TIMP2: variants seen among roughly 807,000 people sequenced by gnomAD.
TIMP2 encodes TIMP metallopeptidase inhibitor 2.
A neutral mutation model predicts 24.3 loss-of-function variants in TIMP2; 5 were observed. The observed-to-expected ratio is 0.21, with a 90% CI of 0.11 to 0.43. The LOEUF (loss-of-function observed/expected upper bound fraction) is 0.43, where lower values mean the gene tolerates loss of function less well. Among genes scored for constraint, TIMP2 ranks in the 20% least tolerant of loss-of-function variants. The probability of loss-of-function intolerance (pLI) is 1.00; values close to 1 mark genes in which losing one functional copy is unlikely to be tolerated. For synonymous variants in TIMP2, 130 were observed against 123.2 expected (o/e 1.06, Z -0.37); for missense variants, 221 against 297.5 (o/e 0.74, Z 1.89).
chr17:78,878,177 G>A (rs114000861), intron 1 of TIMP2, among the ~76,000 whole-genome samples: 31 of 152,206 alleles, frequency 2.0e-4, no homozygotes, highest in Non-Finnish European at 3.8e-4. Context: ...TTACAAAAAC[G>A]CCTAAGGCTC....
intron 1 of TIMP2, among the ~76,000 whole-genome samples, chr17:78,894,948 T>C (rs983274259): frequency 1.3e-5 from 2 of 152,156 alleles, no homozygotes; most frequent in African/African-American, 2.4e-5. Context: ...TGAACACCTC[T>C]TACTACCCAG....
intron 3 of TIMP2, among the ~76,000 whole-genome samples, chr17:78,858,139 G>A (rs1450747090): frequency 6.6e-6 from 1 of 151,122 alleles, no homozygotes; most frequent in African/African-American, 2.4e-5. Flanking sequence ...CTTAAACATT[G>A]GAAACAAAGA....
rs967210687 is a variant in TIMP2, at chr17:78,925,337, G to A, written c.-249C>T. ...CGGCGGGGTGGGGGGCGGCGGGCGA[G>A]CGGCGCTGCGGTTCTCGGCGGCCGC... is the stretch of plus-strand genomic sequence containing the variant. On this transcript the variant is annotated 5_prime_UTR_variant, in exon 1 of 5. Transcript: ENST00000262768. 3.3e-5 allele frequency: 5 copies of A among 151,282 alleles called. No homozygotes were observed. The highest frequency in any genetic ancestry group is 4.8e-5 in the African/African-American group (2 of 41,282). The allele number at this position is 151,282 out of a possible 1,614,324, so 9.4% of individuals were successfully genotyped here. A position where few individuals can be genotyped will look rare whatever the true frequency, so the allele number is the denominator to read the frequency against.
chr17:78,863,034 C>T (rs985228183), intron 3 of TIMP2, among the ~76,000 whole-genome samples: 3 of 152,172 alleles, frequency 2.0e-5, no homozygotes, highest in African/African-American at 7.2e-5. Flanking sequence ...GGGCGCAGTG[C>T]CGTTGAACGA....
At chr17:78,871,132 C>T in intron 2 of TIMP2, 126 bp from the exon 3 acceptor site, 2 of 677,710 alleles carry the variant, frequency 3.0e-6, no homozygotes, top group East Asian at 5.6e-5. Flanking sequence ...CCAAGAGGAC[C>T]AGGAAGTGCA....
chr17:78,915,739 T>TG (rs2070251963), intron 1 of TIMP2, among the ~76,000 whole-genome samples: 1 of 151,910 alleles, frequency 6.6e-6, no homozygotes, highest in African/African-American at 2.4e-5. Context: ...AGGCTGGTCT[T>TG]GAACTCCCGA....
At chr17:78,915,990 C>T (rs1469097854) in intron 1 of TIMP2, among the ~76,000 whole-genome samples, 1 of 152,214 alleles carries the variant, frequency 6.6e-6, no homozygotes, top group Non-Finnish European at 1.5e-5. Context: ...GCCCTTGGCA[C>T]CTCTGCCAGC....
intron 2 of TIMP2, among the ~76,000 whole-genome samples, chr17:78,871,859 G>A (rs1254359157): frequency 7.0e-6 from 1 of 143,154 alleles, no homozygotes; most frequent in East Asian, 2.0e-4. Context: ...AAAAAAAAAA[G>A]ACTGTCATCT....
rs1175180595 is a variant in TIMP2 at position 78,896,445 on chromosome 17, A to T, written c.131-22526T>A. On this transcript the variant is annotated intron_variant, in intron 1 of 4. Transcript: ENST00000262768. The surrounding 1 kb of genome is among the most constrained non-coding windows in gnomAD (Gnocchi z 4.4). The stretch of plus-strand genomic sequence containing the variant: ...AGGACACTTGCCAATGAAGACAGCC[A>T]TGGTTCCAATCAGGGCCCTCGCTAC... 6.6e-6 allele frequency among the ~76,000 whole-genome samples: 1 copy of T among 152,182 alleles called. No homozygotes were observed. The highest frequency in any genetic ancestry group is 1.5e-5 in the Non-Finnish European group (1 of 68,030).
intron 3 of TIMP2, among the ~76,000 whole-genome samples, chr17:78,857,884 A>G (rs959381420): frequency 6.6e-6 from 1 of 151,744 alleles, no homozygotes; most frequent in African/African-American, 2.4e-5. Context: ...AGCCTGGCCA[A>G]CGTGATGAAA....
Position 78,870,882 on chromosome 17 carries a change from C to T in TIMP2, c.340+16G>A, listed in dbSNP as rs1012582304. The T allele has an allele frequency of 1.2e-6, 2 of 1,605,942 alleles. No homozygotes were observed. Among genetic ancestry groups the T allele is most frequent in the African/African-American group, 1.3e-5 (1 of 74,918 alleles). ...TTCTGTGCCAGCCTCCGGCTGATGG[C>T]CCCACTCATACACACCTGCAATGAG... On this transcript the variant is annotated intron_variant, in intron 3 of 4. Transcript: ENST00000262768.
chr17:78,921,978 T>C (rs2070311321), intron 1 of TIMP2, among the ~76,000 whole-genome samples: 1 of 152,222 alleles, frequency 6.6e-6, no homozygotes, highest in Admixed American at 6.5e-5. Flanking sequence ...AGGAGCCAGC[T>C]TGCCACATAA....
intron 4 of TIMP2, 146 bp from the exon 5 acceptor site, chr17:78,856,010 G>A: frequency 2.5e-6 from 2 of 798,764 alleles, no homozygotes; most frequent in Admixed American, 4.3e-5. Flanking sequence ...CACGGTTCCT[G>A]CAGGGGCAGG....
intron 1 of TIMP2, among the ~76,000 whole-genome samples, chr17:78,911,600 A>G (rs1409083033): frequency 1.3e-5 from 2 of 151,684 alleles, no homozygotes; most frequent in Non-Finnish European, 2.9e-5. Context: ...GCTAATTTTA[A>G]AAATATTTTT....
chr17:78,868,533 G>A (rs2069639077), intron 3 of TIMP2, among the ~76,000 whole-genome samples: 2 of 152,184 alleles, frequency 1.3e-5, no homozygotes, highest in Admixed American at 1.3e-4. Flanking sequence ...TTACAGCCAT[G>A]AGCCACTGCA....
chr17:78,860,375 A>G (rs2069558371), intron 3 of TIMP2, among the ~76,000 whole-genome samples: 1 of 152,188 alleles, frequency 6.6e-6, no homozygotes, highest in African/African-American at 2.4e-5. Context: ...ATCTGACTTA[A>G]TGATCTCAGG....
chr17:78,857,765 T>C, intron 3 of TIMP2, 119 bp from the exon 4 acceptor site: 1 of 1,385,364 alleles, frequency 7.2e-7, no homozygotes, highest in East Asian at 2.4e-5. Context: ...GCACTGTCTA[T>C]TCTGAGTTAA....
Position 78,924,897 on chromosome 17 carries a change from G to C in TIMP2, c.130+62C>G. Reference sequence around the variant, plus strand: ...AGCGGCGGGCGGGCGGGGCGTCTGCGAACCCTCGGGGTCGCGGGGGAGGTG... The same window carrying C: ...AGCGGCGGGCGGGCGGGGCGTCTGCCAACCCTCGGGGTCGCGGGGGAGGTG... On this transcript the variant is annotated intron_variant, in intron 1 of 4. Coordinates refer to ENST00000262768, the MANE Select transcript of TIMP2 (RefSeq NM_003255.5). The surrounding 1 kb of genome is among the most constrained non-coding windows in gnomAD (Gnocchi z 5.3). 1 of 1,058,766 alleles carries C rather than the reference G, an allele frequency of 9.4e-7. No individual in the cohort carries two copies. The highest frequency in any genetic ancestry group is 1.2e-6 in the Non-Finnish European group (1 of 859,154). The allele number at this position is 1,058,766 out of a possible 1,614,324, so 65.6% of individuals were successfully genotyped here.
At chr17:78,857,428 A>C in intron 4 of TIMP2, 94 bp downstream of exon 4, 1 of 1,539,336 alleles carries the variant, frequency 6.5e-7, no homozygotes, top group East Asian at 2.3e-5. Context: ...GCCGGGGATT[A>C]ACGGGTCCTG....
Sources: gnomAD v4.1 joint callset for allele counts (sites outside exome capture counted in the v4.1 genomes callset) on GRCh38, gnomAD v4.1.1 for gene constraint, Gnocchi (gnomAD v3.1) non-coding constraint, MANE v1.5 for transcripts, NCBI Gene and HGNC (gene_info 2026-07-23, HGNC 2026-07-21) for gene names.